The following CNIH3 variants were observed in gnomAD, a reference collection of about 807,000 sequenced individuals.
The protein encoded by CNIH3 is cornichon family AMPA receptor auxiliary protein 3.
Under a neutral mutation model 24.1 loss-of-function variants are expected in CNIH3, and 14 were observed. The ratio of observed to expected loss-of-function variants is 0.58; its 90% CI spans 0.38 to 0.91. CNIH3 has a LOEUF of 0.91. CNIH3 is among the 40% of genes least tolerant of loss of function. The pLI, the probability that CNIH3 is intolerant of heterozygous loss-of-function variation, is 0.00. For synonymous variants in CNIH3, 68 were observed against 73.8 expected, an observed-to-expected ratio of 0.92 and a Z score of 0.40; for missense variants, 178 against 196.8, an observed-to-expected ratio of 0.90 and a Z score of 0.57.
intron 1 of CNIH3, among the ~76,000 whole-genome samples, chr1:224,453,868 A>G (rs770934140): frequency 2.6e-5 from 4 of 152,146 alleles, no homozygotes; most frequent in Non-Finnish European, 5.9e-5. Context: ...AAGAGAAGAA[A>G]TGGGACCCTT....
intron 2 of CNIH3, among the ~76,000 whole-genome samples, chr1:224,536,511 G>A (rs919090385): frequency 5.3e-5 from 8 of 151,874 alleles, no homozygotes; most frequent in Non-Finnish European, 7.4e-5. Flanking sequence ...GGCTGGTCTC[G>A]AACTCCCGAC....
chr1:224,525,612 G>A (rs957455866), intron 2 of CNIH3, among the ~76,000 whole-genome samples: 1 of 152,212 alleles, frequency 6.6e-6, no homozygotes. Flanking sequence ...GAAATGGGGG[G>A]TGGAGGCAGT....
chr1:224,737,686 T>G (rs1018847876), intron 5 of CNIH3, among the ~76,000 whole-genome samples: 1 of 152,162 alleles, frequency 6.6e-6, no homozygotes, highest in Non-Finnish European at 1.5e-5. Flanking sequence ...GTTGATAGTT[T>G]ATAGTTTGAG....
chr1:224,680,836 C>A, intron 1 of CNIH3, 122 bp from the exon 2 acceptor site: 1 of 724,342 alleles, frequency 1.4e-6, no homozygotes. Flanking sequence ...GCTGGCCAAT[C>A]TCATGCCATC....
intron 1 of CNIH3, among the ~76,000 whole-genome samples, chr1:224,489,362 TG>T (rs1677153664): frequency 6.6e-6 from 1 of 152,236 alleles, no homozygotes; most frequent in African/African-American, 2.4e-5. Flanking sequence ...TCCCCCACTT[TG>T]CTTTCCAGCA....
upstream of CNIH3, among the ~76,000 whole-genome samples, chr1:224,614,972 T>TAAAC (rs1682882130): frequency 2.3e-5 from 3 of 128,478 alleles, no homozygotes; most frequent in Admixed American, 1.6e-4. Context: ...AATAAATAAA[T>TAAAC]AAATAAGTAA....
intron 2 of CNIH3, among the ~76,000 whole-genome samples, chr1:224,534,778 A>T (rs962648038): frequency 6.6e-6 from 1 of 152,168 alleles, no homozygotes; most frequent in African/African-American, 2.4e-5. Context: ...GTTTTTTACA[A>T]ACTTGACACA....
chr1:224,475,152 C>T (rs1037160299), intron 1 of CNIH3, among the ~76,000 whole-genome samples: 20 of 149,758 alleles, frequency 1.3e-4, no homozygotes, highest in African/African-American at 4.7e-4. Flanking sequence ...GTCAGGAGAT[C>T]AACACAATCC....
At chr1:224,726,694 A>G (rs1279197057) in intron 3 of CNIH3, among the ~76,000 whole-genome samples, 1 of 152,098 alleles carries the variant, frequency 6.6e-6, no homozygotes, top group Non-Finnish European at 1.5e-5. Flanking sequence ...CAAACCTTCC[A>G]TGATCCCCCT....
chr1:224,666,189 G>A (rs1323183019), intron 1 of CNIH3, among the ~76,000 whole-genome samples: 3 of 152,306 alleles, frequency 2.0e-5, no homozygotes, highest in East Asian at 1.9e-4. Context: ...CCCAAACTCA[G>A]GTTCCTGACT....
intron 3 of CNIH3, among the ~76,000 whole-genome samples, chr1:224,696,887 C>T (rs1406029065): frequency 1.3e-5 from 2 of 152,058 alleles, no homozygotes; most frequent in South Asian, 4.2e-4. Context: ...TCCCTCAAAG[C>T]GCTGATCACC....
chr1:224,727,681 A>G (rs1338888711), intron 3 of CNIH3, among the ~76,000 whole-genome samples: 2 of 152,154 alleles, frequency 1.3e-5, no homozygotes, highest in Non-Finnish European at 2.9e-5. Flanking sequence ...TCTAGAAGGA[A>G]GAGGTTCCTT....
intron 4 of CNIH3, among the ~76,000 whole-genome samples, chr1:224,576,639 C>T (rs1030327434): frequency 2.0e-5 from 3 of 152,114 alleles, no homozygotes; most frequent in African/African-American, 7.2e-5. Context: ...ACAACTGAGC[C>T]GTGTAGTATA....
intron 1 of CNIH3, among the ~76,000 whole-genome samples, chr1:224,626,517 A>C (rs1337777738): frequency 2.6e-5 from 4 of 152,246 alleles, no homozygotes; most frequent in Non-Finnish European, 5.9e-5. Context: ...TCTAAAGATT[A>C]GGCTGATAGA....
intron 2 of CNIH3, among the ~76,000 whole-genome samples, chr1:224,528,936 G>C (rs1302571073): frequency 2.6e-5 from 4 of 152,198 alleles, no homozygotes; most frequent in Non-Finnish European, 1.5e-5. Context: ...GAATGTTGAG[G>C]TTCTTTGCTG....
chr1:224,639,290 G>A (rs1220904548), intron 1 of CNIH3, among the ~76,000 whole-genome samples: 1 of 152,238 alleles, frequency 6.6e-6, no homozygotes, highest in Non-Finnish European at 1.5e-5. Context: ...TTCAGACCTG[G>A]ATGGGGTCCT....
chr1:224,482,295 T>G (rs1173785098), intron 1 of CNIH3, among the ~76,000 whole-genome samples: 1 of 152,126 alleles, frequency 6.6e-6, no homozygotes, highest in African/African-American at 2.4e-5. Flanking sequence ...TCTGCTTTTC[T>G]CAAGCAGAAG....
At chr1:224,550,613 C>A (rs556419149) in intron 3 of CNIH3, among the ~76,000 whole-genome samples, 2 of 152,004 alleles carry the variant, frequency 1.3e-5, no homozygotes, top group South Asian at 4.2e-4. Context: ...AAACACTGAA[C>A]GTTATAGAAC....
At chr1:224,702,966 C>G (rs1362809448) in intron 3 of CNIH3, among the ~76,000 whole-genome samples, 1 of 152,156 alleles carries the variant, frequency 6.6e-6, no homozygotes, top group East Asian at 1.9e-4. Flanking sequence ...GTTGTAAGGG[C>G]TAGCTTTTAA....
Sources: gnomAD v4.1 joint callset for allele counts (sites outside exome capture counted in the v4.1 genomes callset) on GRCh38, gnomAD v4.1.1 for gene constraint, MANE v1.5 for transcripts, NCBI Gene and HGNC (gene_info 2026-07-23, HGNC 2026-07-21) for gene names.